Variants in ZNF331 observed in about 807,000 individuals in gnomAD.
ZNF331 encodes the protein C2H2-like zinc finger protein rearranged in thyroid adenomas.
A neutral mutation model predicts 7.0 loss-of-function variants in ZNF331; 2 were observed. That is an observed-to-expected ratio of 0.29 (90% CI 0.12 to 0.90). The LOEUF is 0.90. ZNF331 is among the 40% of genes least tolerant of loss of function. The pLI is 0.58. For missense variants in ZNF331, 432 were observed against 587.7 expected (o/e 0.74, Z 2.74); for synonymous variants, 196 against 205.4 (o/e 0.95, Z 0.39).
chr19:53,578,593 TAGTATCGTATATATGTAC>T lies in ZNF331; in HGVS notation c.*644_*661del. On this transcript the variant is annotated 3_prime_UTR_variant, in exon 6 of 6. Coordinates refer to ENST00000449416, the MANE Select transcript of ZNF331 (RefSeq NM_001079906.2). Reference sequence around the variant, plus strand: ...TATGTACAGGAAAAAATGTAGTATATAGTATCGTATATATGTACAGGAAAAAAACGTACTATCTGTGGT... The same window carrying T: ...TATGTACAGGAAAAAATGTAGTATATAGGAAAAAAACGTACTATCTGTGGT... The T allele has an allele frequency of 4.8e-6, 1 of 208,404 alleles. No homozygotes were observed. The highest frequency in any genetic ancestry group is 7.4e-5 in the East Asian group (1 of 13,524). 12.9% of individuals were successfully genotyped at this position (208,404 alleles called of 1,614,324 possible). A position where few individuals can be genotyped will look rare whatever the true frequency, so the allele number is the denominator to read the frequency against.
At position 53,580,010 on chromosome 19, in the gene ZNF331, G is replaced by A. The variant is rs1345752495; in HGVS notation, c.*2058G>A. On this transcript the variant is annotated 3_prime_UTR_variant, in exon 6 of 6. Coordinates refer to ENST00000449416, the MANE Select transcript of ZNF331 (RefSeq NM_001079906.2). ...GTATTCAATGTCATTGCTCCTCAAG[G>A]AACTGTAGAGTAAAACCACAATGTG... The A allele has an allele frequency of 4.8e-6, 1 of 210,034 alleles. No individual in the cohort carries two copies. The highest frequency in any genetic ancestry group is 9.7e-6 in the Non-Finnish European group (1 of 103,474). The allele number at this position is 210,034 out of a possible 1,614,324, so 13.0% of individuals were successfully genotyped here. A position where few individuals can be genotyped will look rare whatever the true frequency, so the allele number is the denominator to read the frequency against.
intron 3 of ZNF331, among the ~76,000 whole-genome samples, chr19:53,562,872 C>T (rs902473469): frequency 1.3e-5 from 2 of 151,744 alleles, no homozygotes; most frequent in East Asian, 2.0e-4. Flanking sequence ...CCTGTAATCC[C>T]AGCTACTCAG....
At chr19:53,506,123 C>T in the ZNF331 span, among the ~76,000 whole-genome samples, 1 of 151,488 alleles carries the variant, frequency 6.6e-6, no homozygotes, top group African/African-American at 2.4e-5. Context: ...ATCACGAGGT[C>T]AGGAGATCGA....
chr19:53,513,855 T>C, the ZNF331 span, among the ~76,000 whole-genome samples: 2 of 152,010 alleles, frequency 1.3e-5, no homozygotes, highest in Non-Finnish European at 2.9e-5. Flanking sequence ...GGTGATCCAC[T>C]ATGCTTGGCC....
At chr19:53,551,513 CT>C in intron 2 of ZNF331, among the ~76,000 whole-genome samples, 1 of 152,246 alleles carries the variant, frequency 6.6e-6, no homozygotes, top group South Asian at 2.1e-4. Context: ...TGGAAAACCT[CT>C]CATATATTTA....
In ZNF331 at chr19:53,551,039, G is replaced by C. The variant is rs1394035711; in HGVS notation, c.-137-4806G>C. Among the ~76,000 whole-genome samples, 3 of 150,100 alleles carry C rather than the reference G, an allele frequency of 2.0e-5. No individual in the cohort carries two copies. In the East Asian group the frequency reaches 6.0e-4, roughly 30 times the overall value. On this transcript the variant is annotated intron_variant, in intron 2 of 5. Coordinates refer to ENST00000449416, the MANE Select transcript of ZNF331 (RefSeq NM_001079906.2). ...GTAGAGATGGGGTTTCACCATGTTG[G>C]TCAGGCTGGTGTCGAACTCCTGACT...
intron 2 of ZNF331, among the ~76,000 whole-genome samples, chr19:53,545,601 C>G (rs558011131): frequency 6.6e-6 from 1 of 152,308 alleles, no homozygotes; most frequent in South Asian, 2.1e-4. Context: ...GCCACACTCC[C>G]GATCACCCAG....
the ZNF331 span, among the ~76,000 whole-genome samples, chr19:53,511,413 A>G: frequency 0.016 from 2,470 of 152,222 alleles, 58 homozygotes; most frequent in African/African-American, 0.056. Flanking sequence ...TGTATGTTAG[A>G]TTTAATATCC....
At chr19:53,554,648 T>G (rs1275538383) in intron 2 of ZNF331, 1 of 152,248 alleles carries the variant, frequency 6.6e-6, no homozygotes, top group African/African-American at 2.4e-5. Flanking sequence ...CTCGGTGCGC[T>G]TCTGCACCGG....
chr19:53,569,766 CAT>C (rs1476852125), intron 4 of ZNF331, among the ~76,000 whole-genome samples: 4 of 152,162 alleles, frequency 2.6e-5, no homozygotes, highest in African/African-American at 9.7e-5. Context: ...AGGGAATGCT[CAT>C]ATTCGCCGGT....
chr19:53,553,822 A>G (rs1476495552), intron 2 of ZNF331, among the ~76,000 whole-genome samples: 2 of 152,194 alleles, frequency 1.3e-5, no homozygotes, highest in African/African-American at 2.4e-5. Context: ...GATGACAGCC[A>G]TGGCTCACCC....
chr19:53,546,148 A>G (rs1348815561), intron 2 of ZNF331, among the ~76,000 whole-genome samples: 6 of 113,300 alleles, frequency 5.3e-5, no homozygotes, highest in African/African-American at 2.9e-4. Flanking sequence ...GGGAAAAAAA[A>G]AAAAAAAAAA....
At chr19:53,564,639 CAATT>C (rs1292897235) in intron 3 of ZNF331, among the ~76,000 whole-genome samples, 1 of 152,160 alleles carries the variant, frequency 6.6e-6, no homozygotes. Context: ...AATTTTTTCT[CAATT>C]AATCTGCATC....
At chr19:53,530,033 G>A (rs1056352373) in intron 2 of ZNF331, among the ~76,000 whole-genome samples, 2 of 152,148 alleles carry the variant, frequency 1.3e-5, no homozygotes, top group South Asian at 4.1e-4. Context: ...AGGAAGCATG[G>A]TATCGACATC....
the ZNF331 span, among the ~76,000 whole-genome samples, chr19:53,509,863 C>T: frequency 1.3e-5 from 2 of 152,130 alleles, no homozygotes; most frequent in Non-Finnish European, 2.9e-5. Context: ...ATGGGGAGGC[C>T]TCAGGAAACT....
intron 2 of ZNF331, chr19:53,523,158 AATT>A (rs1291543501): frequency 1.3e-5 from 2 of 151,994 alleles, no homozygotes; most frequent in African/African-American, 4.8e-5. Context: ...TCACCTCACT[AATT>A]ATTATTTTTG....
chr19:53,565,236 G>A (rs913843928), intron 3 of ZNF331, among the ~76,000 whole-genome samples: 1 of 152,224 alleles, frequency 6.6e-6, no homozygotes, highest in African/African-American at 2.4e-5. Flanking sequence ...GAGGTGCCAG[G>A]AAGGGGACAT....
the ZNF331 span, among the ~76,000 whole-genome samples, chr19:53,510,303 A>T: frequency 6.6e-6 from 1 of 152,108 alleles, no homozygotes; most frequent in Non-Finnish European, 1.5e-5. Flanking sequence ...AGTTCGAGTG[A>T]TGGTGGGGAG....
chr19:53,527,237 C>G (rs2087339280), intron 2 of ZNF331, among the ~76,000 whole-genome samples: 1 of 151,866 alleles, frequency 6.6e-6, no homozygotes, highest in Non-Finnish European at 1.5e-5. Context: ...AATGATTACT[C>G]AAGGTAAAAA....
Sources: gnomAD v4.1 joint callset for allele counts (sites outside exome capture counted in the v4.1 genomes callset) on GRCh38, gnomAD v4.1.1 for gene constraint, MANE v1.5 for transcripts, NCBI Gene and HGNC (gene_info 2026-07-23, HGNC 2026-07-21) for gene names.